Variants in UBE2E2 observed in about 807,000 individuals in gnomAD.
The protein encoded by UBE2E2 is ubiquitin-conjugating enzyme E2 E2.
UBE2E2 carries 6 observed loss-of-function variants against 24.7 expected under a neutral mutation model. That is an observed-to-expected ratio of 0.24 (90% CI 0.13 to 0.48). The LOEUF (loss-of-function observed/expected upper bound fraction) is 0.48. Among genes scored for constraint, UBE2E2 ranks in the 20% least tolerant of loss-of-function variants. The pLI is 0.99. For missense variants in UBE2E2, 169 were observed against 245.0 expected, an observed-to-expected ratio of 0.69 and a Z score of 2.07; for synonymous variants, 104 against 83.6, an observed-to-expected ratio of 1.24 and a Z score of -1.33.
At chr3:23,439,934 T>A (rs1189679924) in intron 3 of UBE2E2, among the ~76,000 whole-genome samples, 1 of 151,926 alleles carries the variant, frequency 6.6e-6, no homozygotes, top group Non-Finnish European at 1.5e-5. Flanking sequence ...AAGCTATACT[T>A]ATTCATTGTA....
intron 3 of UBE2E2, among the ~76,000 whole-genome samples, chr3:23,299,648 G>T (rs974651374): frequency 6.6e-6 from 1 of 152,040 alleles, no homozygotes. Context: ...GGTCTGAGAG[G>T]CAGTTTGTTG....
chr3:23,417,059 T>G (rs1697656268), intron 3 of UBE2E2, among the ~76,000 whole-genome samples: 1 of 152,216 alleles, frequency 6.6e-6, no homozygotes, highest in African/African-American at 2.4e-5. Flanking sequence ...TGTCAGTTCA[T>G]CTAACTCATT....
intron 4 of UBE2E2, among the ~76,000 whole-genome samples, chr3:23,512,027 A>G (rs899161617): frequency 3.9e-5 from 6 of 152,094 alleles, no homozygotes; most frequent in Middle Eastern, 3.4e-3. Flanking sequence ...TGTGATTAGG[A>G]TCACATAGCT....
chr3:23,429,943 C>A (rs535925555), intron 3 of UBE2E2, among the ~76,000 whole-genome samples: 1 of 152,286 alleles, frequency 6.6e-6, no homozygotes, highest in African/African-American at 2.4e-5. Flanking sequence ...TGCAGTGGCA[C>A]GATCTTGGCT....
intron 4 of UBE2E2, among the ~76,000 whole-genome samples, chr3:23,519,787 C>A (rs1176528147): frequency 6.6e-6 from 1 of 152,132 alleles, no homozygotes; most frequent in Admixed American, 6.5e-5. Context: ...AGTGATCTTC[C>A]CTCCTCAACC....
At chr3:23,540,945 A>T (rs1183858036) in intron 5 of UBE2E2, among the ~76,000 whole-genome samples, 2 of 152,208 alleles carry the variant, frequency 1.3e-5, no homozygotes, top group Non-Finnish European at 2.9e-5. Flanking sequence ...TAAACATGAA[A>T]TTAAGAGAAA....
At position 23,231,466 on chromosome 3, in the gene UBE2E2, T is replaced by G. The variant is rs1696972032; in HGVS notation, c.227+14154T>G. Among the ~76,000 whole-genome samples, 3 of 152,202 alleles carry G rather than the reference T, an allele frequency of 2.0e-5. No individual in the cohort carries two copies. The South Asian group carries it at 6.2e-4, about 32-fold the overall frequency. Reference sequence around the variant, plus strand: ...CACAAACTCAGGACGCTTTTAAAATTTTTCTTATTAAACAATAGTCAACAC... The same window carrying G: ...CACAAACTCAGGACGCTTTTAAAATGTTTCTTATTAAACAATAGTCAACAC... On this transcript the variant is annotated intron_variant, in intron 3 of 5. Transcript: ENST00000396703.
At chr3:23,397,293 T>C (rs143590542) in intron 3 of UBE2E2, among the ~76,000 whole-genome samples, 34 of 152,280 alleles carry the variant, frequency 2.2e-4, no homozygotes, top group Admixed American at 7.2e-4. Context: ...AATAAAAAAG[T>C]CAATTCAGAT....
chr3:23,501,893 CCAGA>C (rs779007058), intron 4 of UBE2E2, among the ~76,000 whole-genome samples: 7 of 151,880 alleles, frequency 4.6e-5, no homozygotes, highest in Non-Finnish European at 8.8e-5. Context: ...ATGAATTGGA[CCAGA>C]CAATCTCTAA....
At chr3:23,396,504 A>G in intron 3 of UBE2E2, among the ~76,000 whole-genome samples, 1 of 151,974 alleles carries the variant, frequency 6.6e-6, no homozygotes, top group Admixed American at 6.6e-5. Context: ...ATAATTTCCA[A>G]ACAGGCTTTA....
chr3:23,354,670 C>T (rs906137035), intron 3 of UBE2E2, among the ~76,000 whole-genome samples: 4 of 152,134 alleles, frequency 2.6e-5, no homozygotes, highest in Non-Finnish European at 4.4e-5. Context: ...AAATCAAAAC[C>T]GCAATGAGAT....
intron 5 of UBE2E2, among the ~76,000 whole-genome samples, chr3:23,557,414 T>C (rs1695817725): frequency 6.6e-6 from 1 of 152,170 alleles, no homozygotes; most frequent in Non-Finnish European, 1.5e-5. Context: ...CTAGAACCCA[T>C]CCTGGCAGCC....
intron 3 of UBE2E2, among the ~76,000 whole-genome samples, chr3:23,260,954 T>C (rs992891764): frequency 2.0e-5 from 3 of 151,948 alleles, no homozygotes; most frequent in Non-Finnish European, 4.4e-5. Context: ...AATACAAAAA[T>C]TACCTGGGCG....
At chr3:23,494,831 T>C (rs1006545063) in intron 3 of UBE2E2, among the ~76,000 whole-genome samples, 3 of 152,026 alleles carry the variant, frequency 2.0e-5, no homozygotes, top group African/African-American at 7.3e-5. Flanking sequence ...TTCAAGCAAT[T>C]CTCCTGCCTC....
chr3:23,420,345 G>A (rs1697766154), intron 3 of UBE2E2, among the ~76,000 whole-genome samples: 1 of 152,128 alleles, frequency 6.6e-6, no homozygotes, highest in Non-Finnish European at 1.5e-5. Context: ...ATAAAATGAG[G>A]GAACTGGATC....
chr3:23,516,017 T>G (rs1338792876), intron 4 of UBE2E2, among the ~76,000 whole-genome samples: 1 of 152,094 alleles, frequency 6.6e-6, no homozygotes, highest in African/African-American at 2.4e-5. Context: ...TAATGTTTCT[T>G]AAGAGAACAT....
At chr3:23,252,476 C>G (rs1406933658) in intron 3 of UBE2E2, among the ~76,000 whole-genome samples, 1 of 151,922 alleles carries the variant, frequency 6.6e-6, no homozygotes, top group Non-Finnish European at 1.5e-5. Context: ...GCCAGTAAAA[C>G]AAAACAAGAT....
chr3:23,306,663 G>A (rs9840808), intron 3 of UBE2E2, among the ~76,000 whole-genome samples: 127,899 of 152,166 alleles, frequency 0.84, 53,863 homozygotes, highest in African/African-American at 0.9. Flanking sequence ...CATTGTTTCT[G>A]CTTCACTCCT....
chr3:23,351,976 A>T (rs757246058), intron 3 of UBE2E2, among the ~76,000 whole-genome samples: 1 of 152,100 alleles, frequency 6.6e-6, no homozygotes, highest in Non-Finnish European at 1.5e-5. Context: ...TGACCACATA[A>T]TTGGAAGTAA....
Sources: allele counts gnomAD v4.1 joint callset (sites outside exome capture counted in the v4.1 genomes callset), GRCh38; gene constraint gnomAD v4.1.1; transcripts MANE v1.5; gene names NCBI Gene and HGNC (gene_info 2026-07-23, HGNC 2026-07-21).